The following PARP6 variants were observed in gnomAD, a reference collection of about 807,000 sequenced individuals.
PARP6 encodes the protein protein mono-ADP-ribosyltransferase PARP6.
A neutral mutation model predicts 92.0 loss-of-function variants in PARP6; 27 were observed. The observed-to-expected ratio is 0.29, with a 90% CI of 0.22 to 0.40. The LOEUF (loss-of-function observed/expected upper bound fraction) is 0.40, where lower values mean the gene tolerates loss of function less well. PARP6 is among the 10% of genes least tolerant of loss of function. The pLI, the probability that PARP6 is intolerant of heterozygous loss-of-function variation, is 1.00. For synonymous variants in PARP6, 272 were observed against 281.2 expected (o/e 0.97, Z 0.33); for missense variants, 501 against 784.5 (o/e 0.64, Z 4.32).
At chr15:72,251,414 T>C in intron 16 of PARP6, 159 bp from the exon 17 acceptor site, 1 of 542,074 alleles carries the variant, frequency 1.8e-6, no homozygotes. Flanking sequence ...TGGATATTCC[T>C]GTGGGTGATA....
intron 12 of PARP6, among the ~76,000 whole-genome samples, chr15:72,257,675 T>C (rs2085311679): frequency 6.6e-6 from 1 of 152,218 alleles, no homozygotes; most frequent in Non-Finnish European, 1.5e-5. Flanking sequence ...TCAGATGTTC[T>C]CTCACCTGAT....
chr15:72,271,575 G>A (rs1298950337), intron 1 of PARP6, among the ~76,000 whole-genome samples: 3 of 152,214 alleles, frequency 2.0e-5, no homozygotes, highest in Non-Finnish European at 4.4e-5. Context: ...AGAATACTTA[G>A]ACCTACAGAG....
intron 16 of PARP6, among the ~76,000 whole-genome samples, chr15:72,252,796 A>G (rs900042089): frequency 6.6e-6 from 1 of 152,212 alleles, no homozygotes; most frequent in Non-Finnish European, 1.5e-5. Context: ...TGTAATTTCT[A>G]TCTGTCAATT....
At chr15:72,262,693 G>A (rs935860265) in intron 8 of PARP6, among the ~76,000 whole-genome samples, 1 of 152,080 alleles carries the variant, frequency 6.6e-6, no homozygotes, top group Non-Finnish European at 1.5e-5. Flanking sequence ...TGCTAAATCC[G>A]ATGGAAACTC....
At chr15:72,245,803 G>T (rs2083536006) in intron 20 of PARP6, 1 of 152,122 alleles carries the variant, frequency 6.6e-6, no homozygotes, top group African/African-American at 2.4e-5. Context: ...GCTTCATCTG[G>T]TAACTAAAGG....
At chr15:72,259,344 A>G (rs746319074) in intron 11 of PARP6, among the ~76,000 whole-genome samples, 10 of 152,238 alleles carry the variant, frequency 6.6e-5, no homozygotes, top group Non-Finnish European at 8.8e-5. Flanking sequence ...TCTCATTCTC[A>G]TCTCATGTCA....
intron 20 of PARP6, chr15:72,243,139 T>C (rs1377640231): frequency 6.2e-6 from 1 of 161,064 alleles, no homozygotes; most frequent in African/African-American, 2.4e-5. Flanking sequence ...AGAAATGATG[T>C]AGAAGAGGCA....
At chr15:72,266,057 A>G in intron 4 of PARP6, 66 bp from the exon 5 acceptor site, 1 of 1,082,248 alleles carries the variant, frequency 9.2e-7, no homozygotes, top group Non-Finnish European at 1.4e-6. Flanking sequence ...GAGAGATAAT[A>G]AAAAGAATAT....
chr15:72,259,133 T>C (rs2085515238), intron 11 of PARP6, among the ~76,000 whole-genome samples: 1 of 152,154 alleles, frequency 6.6e-6, no homozygotes, highest in African/African-American at 2.4e-5. Context: ...GCCATCTGAC[T>C]CTTGATAGCA....
intron 7 of PARP6, 59 bp downstream of exon 7, chr15:72,265,022 T>C (rs2141082176): frequency 3.5e-6 from 4 of 1,139,970 alleles, no homozygotes; most frequent in African/African-American, 1.5e-5. Flanking sequence ...TCAGTTAACT[T>C]AGGGCTTTGG....
At chr15:72,265,015 G>T in intron 7 of PARP6, 66 bp downstream of exon 7, 1 of 1,076,984 alleles carries the variant, frequency 9.3e-7, no homozygotes, top group Non-Finnish European at 1.4e-6. Flanking sequence ...TTCTACCTCA[G>T]TTAACTTAGG....
intron 2 of PARP6, among the ~76,000 whole-genome samples, chr15:72,269,806 G>A (rs2087116036): frequency 6.6e-6 from 1 of 150,960 alleles, no homozygotes; most frequent in Non-Finnish European, 1.5e-5. Context: ...GGCTGAGGCA[G>A]GAGAATCACT....
At chr15:72,247,160 A>G (rs2083722997) in intron 20 of PARP6, among the ~76,000 whole-genome samples, 1 of 151,966 alleles carries the variant, frequency 6.6e-6, no homozygotes, top group South Asian at 2.1e-4. Context: ...GTGTCTTCTG[A>G]AGAATATAAG....
chr15:72,264,501 A>C, intron 8 of PARP6, 54 bp downstream of exon 8: 7 of 1,335,972 alleles, frequency 5.2e-6, no homozygotes, highest in Non-Finnish European at 6.4e-6. Flanking sequence ...ATATATTTCC[A>C]CCTCTCTCTC....
At position 72,266,827 on chromosome 15, in the gene PARP6, T is replaced by C; in HGVS notation, c.4-5A>G. 6.2e-7 allele frequency: 1 copy of C among 1,609,974 alleles called. No homozygotes were observed. Among genetic ancestry groups the C allele is most frequent in the Non-Finnish European group, 8.5e-7 (1 of 1,176,216 alleles). The stretch of plus-strand genomic sequence containing the variant: ...CCAGAACTGGCCTTTGATGTCCTAG[T>C]GGTGAGAAATAAGGATATCATGCTT... On this transcript the variant is annotated splice_region_variant and splice_polypyrimidine_tract_variant and intron_variant, in intron 3 of 23. Transcript: ENST00000569795.
intron 11 of PARP6, among the ~76,000 whole-genome samples, chr15:72,259,141 G>A (rs2085516625): frequency 6.6e-6 from 1 of 152,204 alleles, no homozygotes; most frequent in Non-Finnish European, 1.5e-5. Flanking sequence ...ACTCTTGATA[G>A]CAAGAGGAAG....
At chr15:72,250,712 C>T (rs1312180670) in intron 18 of PARP6, 133 bp downstream of exon 18, 3 of 629,888 alleles carry the variant, frequency 4.8e-6, no homozygotes, top group Non-Finnish European at 8.7e-6. Flanking sequence ...TAGCACCTAC[C>T]ACAATAGCAT....
intron 8 of PARP6, among the ~76,000 whole-genome samples, chr15:72,262,552 C>G (rs921817221): frequency 6.6e-6 from 1 of 152,160 alleles, no homozygotes; most frequent in African/African-American, 2.4e-5. Context: ...TAACCTCTCC[C>G]TGTTGCCTTC....
chr15:72,253,884 C>A (rs2084701715), intron 15 of PARP6: 1 of 445,310 alleles, frequency 2.2e-6, no homozygotes, highest in Non-Finnish European at 4.4e-6. Context: ...TAAATCATTC[C>A]TCCTAGGTGT....
Sources: allele counts gnomAD v4.1 joint callset (sites outside exome capture counted in the v4.1 genomes callset), GRCh38; gene constraint gnomAD v4.1.1; transcripts MANE v1.5; gene names NCBI Gene and HGNC (gene_info 2026-07-23, HGNC 2026-07-21).